The following SPTBN1 variants were observed in gnomAD, a reference collection of about 807,000 sequenced individuals.
SPTBN1 encodes the protein spectrin beta, non-erythrocytic 1, also known as spectrin beta chain, non-erythrocytic 1.
Under a neutral mutation model 266.4 loss-of-function variants are expected in SPTBN1, and 32 were observed. The ratio of observed to expected loss-of-function variants is 0.12; its 90% CI spans 0.09 to 0.16. The LOEUF is 0.16. Ranked by LOEUF, SPTBN1 falls within the 10% of genes least tolerant of loss-of-function variation. The pLI, the probability that SPTBN1 is intolerant of heterozygous loss-of-function variation, is 1.00. For synonymous variants in SPTBN1, 1,336 were observed against 1,162.2 expected (o/e 1.15, Z -3.04); for missense variants, 2,296 against 3,067.1 (o/e 0.75, Z 5.94).
At position 54,558,055 on chromosome 2, in the gene SPTBN1, G is replaced by A. The variant is rs1165388770; in HGVS notation, c.148+31489G>A. 2 of 985,430 alleles carry A rather than the reference G, an allele frequency of 2.0e-6. No individual in the cohort carries two copies. Among genetic ancestry groups the A allele is most frequent in the East Asian group, 2.3e-4 (2 of 8,802 alleles). The allele number at this position is 985,430 out of a possible 1,614,324, so 61.0% of individuals were successfully genotyped here. ...ACTCTCCAGGCCGTCCCGTGGGCGC[G>A]CTAGCCTTTTCAAGTGATAGTAATC... On this transcript the variant is annotated intron_variant, in intron 2 of 35. Coordinates refer to ENST00000356805, the MANE Select transcript of SPTBN1 (RefSeq NM_003128.3). The surrounding 1 kb of genome is among the most constrained non-coding windows in gnomAD (Gnocchi z 4.6).
chr2:54,550,606 T>G (rs577683015), intron 2 of SPTBN1, among the ~76,000 whole-genome samples: 1 of 152,200 alleles, frequency 6.6e-6, no homozygotes, highest in Non-Finnish European at 1.5e-5. Flanking sequence ...CAGAGAGTGT[T>G]TGTGTGGAAG....
chr2:54,609,551 C>T (rs1677076311), intron 3 of SPTBN1, among the ~76,000 whole-genome samples: 6 of 152,108 alleles, frequency 3.9e-5, no homozygotes, highest in Admixed American at 3.9e-4. Context: ...GATTCTATTC[C>T]ATAGCATCAA....
At chr2:54,615,344 G>C (rs1677527257) in intron 4 of SPTBN1, among the ~76,000 whole-genome samples, 1 of 152,168 alleles carries the variant, frequency 6.6e-6, no homozygotes, top group Non-Finnish European at 1.5e-5. Flanking sequence ...TGGAGGCAAT[G>C]GATGGACTCC....
At chr2:54,525,518 G>A (rs1333747051) in intron 1 of SPTBN1, among the ~76,000 whole-genome samples, 1 of 152,202 alleles carries the variant, frequency 6.6e-6, no homozygotes, top group South Asian at 2.1e-4. Context: ...AGAGGCGTGA[G>A]TCACTGTGCC....
chr2:54,543,606 TA>T (rs1006695679), intron 2 of SPTBN1, among the ~76,000 whole-genome samples: 9 of 152,190 alleles, frequency 5.9e-5, no homozygotes, highest in African/African-American at 2.2e-4. Context: ...TTTTTTTAAT[TA>T]AAAAAATTAA....
intron 3 of SPTBN1, among the ~76,000 whole-genome samples, chr2:54,606,521 C>T (rs991305692): frequency 2.6e-5 from 4 of 152,196 alleles, no homozygotes; most frequent in Non-Finnish European, 5.9e-5. Flanking sequence ...GAAGCCCCTG[C>T]ACCTTTCTTA....
chr2:54,489,931 A>G (rs1006387320), intron 1 of SPTBN1, among the ~76,000 whole-genome samples: 3 of 152,222 alleles, frequency 2.0e-5, no homozygotes, highest in Non-Finnish European at 4.4e-5. Context: ...AAGACCTATG[A>G]GCCTAAAATG....
At chr2:54,616,420 C>G in intron 5 of SPTBN1, 122 bp downstream of exon 5, 1 of 738,278 alleles carries the variant, frequency 1.4e-6, no homozygotes, top group East Asian at 2.8e-5. Flanking sequence ...GTCTTGTTAA[C>G]TCGCAAGCAG....
intron 3 of SPTBN1, among the ~76,000 whole-genome samples, chr2:54,606,712 A>G (rs1270903485): frequency 6.6e-6 from 1 of 152,242 alleles, no homozygotes; most frequent in African/African-American, 2.4e-5. Flanking sequence ...CATGAGAGCC[A>G]TATGCAGTTC....
At chr2:54,612,112 C>G in intron 3 of SPTBN1, 49 bp from the exon 4 acceptor site, 3 of 1,520,920 alleles carry the variant, frequency 2.0e-6, no homozygotes, top group African/African-American at 1.4e-5. Context: ...CGGGGTTCAT[C>G]TCTACTCTGT....
chr2:54,470,305 A>G (rs1558753448), intron 1 of SPTBN1, among the ~76,000 whole-genome samples: 2 of 152,052 alleles, frequency 1.3e-5, no homozygotes, highest in African/African-American at 4.8e-5. Flanking sequence ...TGCATTTTTT[A>G]TTCTTAATTA....
At chr2:54,470,725 G>A (rs1335205146) in intron 1 of SPTBN1, among the ~76,000 whole-genome samples, 1 of 152,162 alleles carries the variant, frequency 6.6e-6, no homozygotes, top group Non-Finnish European at 1.5e-5. Context: ...TGTAATCCTA[G>A]CTACTTGAGA....
intron 1 of SPTBN1, among the ~76,000 whole-genome samples, chr2:54,476,207 C>T (rs1007390319): frequency 1.3e-5 from 2 of 152,054 alleles, no homozygotes; most frequent in Non-Finnish European, 2.9e-5. Context: ...CACTCAAGGA[C>T]GGTGGACTGA....
intron 18 of SPTBN1, among the ~76,000 whole-genome samples, chr2:54,638,008 T>C (rs111406828): frequency 6.6e-6 from 1 of 152,240 alleles, no homozygotes; most frequent in Non-Finnish European, 1.5e-5. Flanking sequence ...TAATCTAGAC[T>C]ATTATATTAA....
At chr2:54,488,578 A>T (rs1668528373) in intron 1 of SPTBN1, among the ~76,000 whole-genome samples, 1 of 152,158 alleles carries the variant, frequency 6.6e-6, no homozygotes, top group African/African-American at 2.4e-5. Flanking sequence ...GTAAGCTTTG[A>T]GAATGATCTC....
chr2:54,509,056 G>A (rs1280008227), intron 1 of SPTBN1, among the ~76,000 whole-genome samples: 1 of 152,180 alleles, frequency 6.6e-6, no homozygotes, highest in East Asian at 1.9e-4. Flanking sequence ...TTGCTGAGAG[G>A]TAATGGAGGG....
intron 2 of SPTBN1, among the ~76,000 whole-genome samples, chr2:54,595,374 G>C (rs941516915): frequency 6.6e-6 from 1 of 152,184 alleles, no homozygotes; most frequent in African/African-American, 2.4e-5. Context: ...TTGTTCCTTG[G>C]AGGCACCACT....
intron 2 of SPTBN1, among the ~76,000 whole-genome samples, chr2:54,593,571 G>T (rs1200448221): frequency 1.3e-5 from 2 of 152,062 alleles, no homozygotes; most frequent in African/African-American, 4.8e-5. Flanking sequence ...GTACAGCATT[G>T]CAAAGAGGGG....
chr2:54,664,730 CAGCCTGT>C lies in SPTBN1; in HGVS notation c.6659+40_6659+46del. On this transcript the variant is annotated intron_variant, in intron 33 of 35. Transcript: ENST00000356805. The surrounding 1 kb of genome is among the most constrained non-coding windows in gnomAD (Gnocchi z 5.6). ...AGGCTGCCACAGTAAGATGGGAAGT[CAGCCTGT>C]GAAGGGATAAGGCGGGCCACTCTTG... is the stretch of plus-strand genomic sequence containing the variant. 3.1e-6 allele frequency: 5 copies of C among 1,602,314 alleles called. No homozygotes were observed. Among genetic ancestry groups the C allele is most frequent in the Non-Finnish European group, 4.3e-6 (5 of 1,171,188 alleles).
Sources: allele counts gnomAD v4.1 joint callset (sites outside exome capture counted in the v4.1 genomes callset), GRCh38; gene constraint gnomAD v4.1.1; non-coding constraint Gnocchi (gnomAD v3.1); transcripts MANE v1.5; gene names NCBI Gene and HGNC (gene_info 2026-07-23, HGNC 2026-07-21).